RBM26: variants seen among roughly 807,000 people sequenced by gnomAD.
The protein encoded by RBM26 is RNA-binding protein 26.
RBM26 carries 30 observed loss-of-function variants against 123.6 expected under a neutral mutation model. That is an observed-to-expected ratio of 0.24 (90% CI 0.18 to 0.33). The LOEUF is 0.33. Among genes scored for constraint, RBM26 ranks in the 10% least tolerant of loss-of-function variants. The pLI is 1.00. For synonymous variants in RBM26, 400 were observed against 404.4 expected (o/e 0.99, Z 0.13); for missense variants, 947 against 1,203.6 (o/e 0.79, Z 3.15).
At chr13:79,354,658 G>T in intron 12 of RBM26, 88 bp from the exon 13 acceptor site, 1 of 1,228,658 alleles carries the variant, frequency 8.1e-7, no homozygotes, top group Non-Finnish European at 1.1e-6. Context: ...CATTGCCCAT[G>T]CAGAGAAAGT....
chr13:79,350,358 G>C (rs2073051458), intron 14 of RBM26, among the ~76,000 whole-genome samples: 1 of 152,172 alleles, frequency 6.6e-6, no homozygotes, highest in Admixed American at 6.5e-5. Flanking sequence ...AAGGGATTCA[G>C]CAAGATAATT....
At position 79,354,295 on chromosome 13, in the gene RBM26, AC is replaced by A. The variant is rs1221613928; in HGVS notation, c.1986+143del. On this transcript the variant is annotated intron_variant, in intron 13 of 21. Coordinates refer to ENST00000438737, the MANE Select transcript of RBM26 (RefSeq NM_001366735.2). ...AATGGTAAAAATTAAAAAAAAAAAA[AC>A]AACCTTATAGGTGGGGTTCAAATAT... is the stretch of plus-strand genomic sequence containing the variant. The A allele has an allele frequency of 2.1e-3, 1,231 of 598,082 alleles. 15 individuals are homozygous for A. The highest frequency in any genetic ancestry group is 0.019 in the African/African-American group (996 of 51,668). The allele number at this position is 598,082 out of a possible 1,614,324, so 37.0% of individuals were successfully genotyped here.
chr13:79,320,483 T>C lies in RBM26; in HGVS notation c.*138A>G, dbSNP rs2067541668. On this transcript the variant is annotated 3_prime_UTR_variant, in exon 22 of 22. Coordinates refer to ENST00000438737, the MANE Select transcript of RBM26 (RefSeq NM_001366735.2). ...ATACAAGATCAGAAGGTAGTTTTCT[T>C]CTTTTTTGTCTATTTGTGAAATCCA... The C allele has an allele frequency of 7.9e-7, 1 of 1,266,932 alleles. No individual in the cohort carries two copies. Among genetic ancestry groups the C allele is most frequent in the Non-Finnish European group, 1.0e-6 (1 of 1,002,600 alleles). 78.5% of individuals were successfully genotyped at this position (1,266,932 alleles called of 1,614,324 possible). A position where few individuals can be genotyped will look rare whatever the true frequency, so the allele number is the denominator to read the frequency against.
At chr13:79,368,585 C>A in intron 6 of RBM26, 145 bp downstream of exon 6, 2 of 645,562 alleles carry the variant, frequency 3.1e-6, no homozygotes, top group Non-Finnish European at 5.3e-6. Context: ...ATGTTTCAAT[C>A]ATATTGAGGA....
At chr13:79,371,705 G>A (rs2075897905) in intron 4 of RBM26, 137 bp downstream of exon 4, 3 of 623,460 alleles carry the variant, frequency 4.8e-6, no homozygotes, top group African/African-American at 3.7e-5. Flanking sequence ...TGGTAGAAAC[G>A]GACCTAGTTA....
chr13:79,355,377 T>C lies in RBM26; in HGVS notation c.1697A>G (p.Tyr566Cys), dbSNP rs756176134. ...TAGGGCACCTTCAGGATCACCATTA[T>C]AAGCAACCTAAGATTTAAAATATTA... ...FGTLVNLQVA[Y>C]NGDPEGALIQ... Residue 566 changes from tyrosine to cysteine, a missense_variant, in exon 12 of 22, where the codon TAT becomes TGT. This residue lies in a region of RBM26 where 493 missense variants were observed against 563.1 expected (regional missense o/e 0.88). Coordinates refer to ENST00000438737, the MANE Select transcript of RBM26 (RefSeq NM_001366735.2). 1.9e-6 allele frequency: 3 copies of C among 1,612,380 alleles called. No individual in the cohort carries two copies. The highest frequency in any genetic ancestry group is 2.5e-6 in the Non-Finnish European group (3 of 1,178,964).
chr13:79,341,305 T>C, intron 17 of RBM26, 78 bp from the exon 18 acceptor site: 1 of 852,222 alleles, frequency 1.2e-6, no homozygotes. Flanking sequence ...AAGTAACTTT[T>C]ACGCAGTCCC....
In RBM26 at chr13:79,352,551, T is replaced by TA. The variant is rs200976919; in HGVS notation, c.2058+601dup. ...TAATAAATATTTACCCCCCTTCATT[T>TA]AAAAAAAAAGAAATGACTATATGTA... On this transcript the variant is annotated intron_variant, in intron 14 of 21. Coordinates refer to ENST00000438737, the MANE Select transcript of RBM26 (RefSeq NM_001366735.2). 6.4e-3 allele frequency among the ~76,000 whole-genome samples: 970 copies of TA among 151,302 alleles called. 16 individuals carry two copies. Among genetic ancestry groups the TA allele is most frequent in the East Asian group, 0.022 (113 of 5,168 alleles).
chr13:79,363,287 G>A (rs985878667), intron 9 of RBM26, among the ~76,000 whole-genome samples: 6 of 152,092 alleles, frequency 3.9e-5, no homozygotes, highest in South Asian at 2.1e-4. Flanking sequence ...TATTAGGAAC[G>A]TGTAATAATT....
chr13:79,336,855 A>G (rs1409994300), intron 19 of RBM26, among the ~76,000 whole-genome samples: 2 of 152,218 alleles, frequency 1.3e-5, no homozygotes, highest in African/African-American at 4.8e-5. Context: ...GAAACAGCAA[A>G]GTTTATATTG....
At chr13:79,369,593 T>TA (rs1448388782) in intron 5 of RBM26, among the ~76,000 whole-genome samples, 1 of 152,126 alleles carries the variant, frequency 6.6e-6, no homozygotes, top group Non-Finnish European at 1.5e-5. Context: ...ACAGGGCTTA[T>TA]ACAAAGGCCA....
At chr13:79,394,243 TGA>T (rs1390128947) in intron 1 of RBM26, among the ~76,000 whole-genome samples, 1 of 152,190 alleles carries the variant, frequency 6.6e-6, no homozygotes, top group African/African-American at 2.4e-5. Context: ...GCCCCATGGC[TGA>T]GTTTTCTGGT....
At chr13:79,376,818 C>T (rs2076702161) in intron 3 of RBM26, 1 of 152,306 alleles carries the variant, frequency 6.6e-6, no homozygotes, top group South Asian at 2.1e-4. Flanking sequence ...CCTTAGAAAG[C>T]CAGCATGCTT....
intron 20 of RBM26, among the ~76,000 whole-genome samples, chr13:79,325,899 A>G (rs116037938): frequency 3.3e-4 from 50 of 152,166 alleles, no homozygotes; most frequent in African/African-American, 1.1e-3. Flanking sequence ...TTTATACCCT[A>G]TTTTTACTGT....
exon 5 of RBM26, chr13:79,312,858 T>C (rs2066932228): frequency 6.6e-6 from 1 of 151,834 alleles, no homozygotes; most frequent in Non-Finnish European, 1.5e-5. Context: ...GTCTGAACAA[T>C]GGGTTCAAAA....
At chr13:79,343,785 T>C (rs891464914) in intron 16 of RBM26, among the ~76,000 whole-genome samples, 7 of 151,920 alleles carry the variant, frequency 4.6e-5, no homozygotes, top group Non-Finnish European at 7.4e-5. Context: ...TTCTTTGTAC[T>C]ACATTTTGAG....
intron 14 of RBM26, among the ~76,000 whole-genome samples, chr13:79,345,483 G>T (rs1266776837): frequency 6.6e-6 from 1 of 151,828 alleles, no homozygotes; most frequent in African/African-American, 2.4e-5. Flanking sequence ...ATTAATTAAT[G>T]TGTCTTTTCC....
At chr13:79,373,741 T>A (rs8001934) in intron 3 of RBM26, among the ~76,000 whole-genome samples, 3 of 55,272 alleles carry the variant, frequency 5.4e-5, no homozygotes, top group South Asian at 8.2e-4. Context: ...ATATAATATT[T>A]TATATATATA....
chr13:79,381,106 A>G (rs2077039630), intron 1 of RBM26, among the ~76,000 whole-genome samples: 1 of 152,104 alleles, frequency 6.6e-6, no homozygotes, highest in African/African-American at 2.4e-5. Flanking sequence ...TGTGCCATGA[A>G]CTGCACTTCT....
Sources: allele counts gnomAD v4.1 joint callset (sites outside exome capture counted in the v4.1 genomes callset), GRCh38; gene constraint gnomAD v4.1.1; regional missense constraint gnomAD v4.1.1; transcripts MANE v1.5; gene names NCBI Gene and HGNC (gene_info 2026-07-23, HGNC 2026-07-21).